The following RICTOR variants were observed in gnomAD, a reference collection of about 807,000 sequenced individuals.
RICTOR encodes the protein RPTOR independent companion of MTOR complex 2, also known as rapamycin-insensitive companion of mTOR.
Under a neutral mutation model 214.9 loss-of-function variants are expected in RICTOR, and 49 were observed. The observed-to-expected ratio is 0.23, with a 90% confidence interval of 0.18 to 0.29. The LOEUF is 0.29. RICTOR is among the 10% of genes least tolerant of loss of function. The pLI is 1.00. For synonymous variants in RICTOR, 717 were observed against 711.3 expected (o/e 1.01, Z -0.13); for missense variants, 1,625 against 2,047.0 (o/e 0.79, Z 3.98).
rs1384811064 is a variant in RICTOR at position 39,074,335 on chromosome 5, C to T, written c.43G>A (p.Val15Ile). ...GRGRSLKNLR[V>I]RGRNDSGEEN... ...AGGGTTGCAGCGGGCTTACCTCGTA[C>T]TCGGAGGTTCTTCAGAGAGCGGCCG... Residue 15 changes from valine (V) to isoleucine (I), a missense_variant, in exon 1 of 38, where the codon GTA becomes ATA. Coordinates refer to ENST00000357387, the MANE Select transcript of RICTOR (RefSeq NM_152756.5). 4 of 1,542,196 alleles carry T rather than the reference C, an allele frequency of 2.6e-6. No homozygotes were observed. The African/African-American group carries it at 5.6e-5, about 21-fold the overall frequency.
At chr5:39,049,248 A>G (rs557249156) in intron 2 of RICTOR, among the ~76,000 whole-genome samples, 2 of 152,284 alleles carry the variant, frequency 1.3e-5, no homozygotes, top group East Asian at 3.9e-4. Context: ...AAAACCATGA[A>G]CACACAAGTA....
chr5:38,997,217 G>A (rs897952063), intron 5 of RICTOR, among the ~76,000 whole-genome samples: 1 of 152,020 alleles, frequency 6.6e-6, no homozygotes, highest in Non-Finnish European at 1.5e-5. Context: ...ATAAAATTCA[G>A]ACATTTTATA....
intron 2 of RICTOR, 76 bp from the exon 3 acceptor site, chr5:39,021,212 TA>T (rs896820644): frequency 1.2e-5 from 10 of 825,388 alleles, no homozygotes; most frequent in Non-Finnish European, 2.1e-5. Context: ...CATGCAGTAT[TA>T]AAACTTCACA....
intron 2 of RICTOR, among the ~76,000 whole-genome samples, chr5:39,026,299 T>C (rs1405213869): frequency 2.0e-5 from 3 of 152,044 alleles, no homozygotes; most frequent in Non-Finnish European, 4.4e-5. Context: ...GCAGTGATCA[T>C]GTCACTTGTA....
At chr5:38,955,848 G>C in intron 25 of RICTOR, 144 bp from the exon 26 acceptor site, 1 of 583,462 alleles carries the variant, frequency 1.7e-6, no homozygotes, top group Non-Finnish European at 3.1e-6. Context: ...TTTGGCTCAG[G>C]TTTCAACTAG....
chr5:38,990,677 G>GATATATATATGATATATATCATATCTGAT (rs1300984037), intron 7 of RICTOR, among the ~76,000 whole-genome samples: 1 of 4,942 alleles, frequency 2.0e-4, no homozygotes, highest in African/African-American at 3.2e-4. Context: ...ATATATATCA[G>GATATATATATGATATATATCATATCTGAT]ATATATCATA....
chr5:38,995,456 G>A (rs980046588), intron 6 of RICTOR, among the ~76,000 whole-genome samples: 10 of 151,890 alleles, frequency 6.6e-5, no homozygotes, highest in Admixed American at 3.9e-4. Context: ...GATTACATAC[G>A]GGGTACAGTG....
intron 2 of RICTOR, among the ~76,000 whole-genome samples, chr5:39,037,080 C>T (rs1756769018): frequency 6.6e-6 from 1 of 152,152 alleles, no homozygotes; most frequent in African/African-American, 2.4e-5. Flanking sequence ...AAGCACTCCT[C>T]AGGAAATGTA....
chr5:38,985,163 G>A (rs1341302512), intron 7 of RICTOR, among the ~76,000 whole-genome samples: 1 of 152,076 alleles, frequency 6.6e-6, no homozygotes, highest in Non-Finnish European at 1.5e-5. Flanking sequence ...CCATCACTCT[G>A]TATCCACAGG....
At chr5:38,961,314 T>C (rs1749774115) in intron 19 of RICTOR, among the ~76,000 whole-genome samples, 1 of 152,144 alleles carries the variant, frequency 6.6e-6, no homozygotes, top group Non-Finnish European at 1.5e-5. Flanking sequence ...ATTGTATTCA[T>C]GAAGAACTTT....
chr5:38,983,672 T>C (rs917233370), intron 7 of RICTOR, among the ~76,000 whole-genome samples: 1 of 152,114 alleles, frequency 6.6e-6, no homozygotes, highest in Non-Finnish European at 1.5e-5. Context: ...AATAAGAAAT[T>C]TGTAGGTTTG....
intron 7 of RICTOR, among the ~76,000 whole-genome samples, chr5:38,988,746 G>A (rs950292776): frequency 5.9e-5 from 9 of 152,130 alleles, no homozygotes; most frequent in African/African-American, 2.2e-4. Context: ...CAAATCATGA[G>A]TGAACTCCCA....
At chr5:38,949,438 C>T (rs771946662) in intron 31 of RICTOR, 20 of 1,577,950 alleles carry the variant, frequency 1.3e-5, no homozygotes, top group East Asian at 4.5e-5. Flanking sequence ...CTTGCAGAAG[C>T]GAGAAATAAA....
chr5:39,058,454 A>G (rs1019371134), intron 2 of RICTOR, among the ~76,000 whole-genome samples: 1 of 152,210 alleles, frequency 6.6e-6, no homozygotes, highest in South Asian at 2.1e-4. Context: ...AAGTTCTAAT[A>G]TATCTATTAG....
At chr5:39,059,117 C>T (rs900795952) in intron 2 of RICTOR, among the ~76,000 whole-genome samples, 1 of 152,136 alleles carries the variant, frequency 6.6e-6, no homozygotes, top group Admixed American at 6.5e-5. Context: ...ACACCTGATA[C>T]ACATGAGCAG....
chr5:38,947,937 T>C (rs1748378836), intron 31 of RICTOR, among the ~76,000 whole-genome samples: 2 of 152,168 alleles, frequency 1.3e-5, no homozygotes, highest in African/African-American at 4.8e-5. Context: ...AAGATTTATG[T>C]AGCACACAAG....
chr5:38,958,555 C>A (rs758304340), intron 23 of RICTOR, 36 bp from the exon 24 acceptor site: 1 of 1,560,790 alleles, frequency 6.4e-7, no homozygotes, highest in Non-Finnish European at 8.8e-7. Context: ...TATAATTGCA[C>A]AAAAATAGCA....
chr5:38,983,815 A>T (rs933456607), intron 7 of RICTOR, among the ~76,000 whole-genome samples: 1 of 151,996 alleles, frequency 6.6e-6, no homozygotes, highest in African/African-American at 2.4e-5. Flanking sequence ...ACAAAAAAAA[A>T]TTAGCTGGGC....
At chr5:39,067,196 G>A (rs1758966881) in intron 2 of RICTOR, among the ~76,000 whole-genome samples, 1 of 152,212 alleles carries the variant, frequency 6.6e-6, no homozygotes, top group Non-Finnish European at 1.5e-5. Flanking sequence ...CATGGTGCCA[G>A]CATCTGCTTC....
Sources: gnomAD v4.1 joint callset for allele counts (sites outside exome capture counted in the v4.1 genomes callset) on GRCh38, gnomAD v4.1.1 for gene constraint, MANE v1.5 for transcripts, NCBI Gene and HGNC (gene_info 2026-07-23, HGNC 2026-07-21) for gene names.